Variants in STK24 observed in about 807,000 individuals in gnomAD.
STK24 encodes the protein serine/threonine-protein kinase 24.
A neutral mutation model predicts 55.6 loss-of-function variants in STK24; 21 were observed. The ratio of observed to expected loss-of-function variants is 0.38; its 90% CI spans 0.27 to 0.54. The LOEUF is 0.54. STK24 is among the 20% of genes least tolerant of loss of function. STK24 has a pLI of 0.79. For missense variants in STK24, 383 were observed against 538.4 expected, an observed-to-expected ratio of 0.71 and a Z score of 2.86; for synonymous variants, 200 against 215.2, an observed-to-expected ratio of 0.93 and a Z score of 0.62.
At chr13:98,481,858 G>C (rs1894594494) in intron 3 of STK24, among the ~76,000 whole-genome samples, 1 of 152,040 alleles carries the variant, frequency 6.6e-6, no homozygotes, top group African/African-American at 2.4e-5. Context: ...GACCAGCTTG[G>C]CCAACATGGC....
intron 2 of STK24, among the ~76,000 whole-genome samples, chr13:98,507,723 G>A (rs1479619970): frequency 2.0e-5 from 3 of 152,176 alleles, no homozygotes; most frequent in African/African-American, 7.2e-5. Flanking sequence ...TTCATTCCCA[G>A]CCAGGACGGG....
At chr13:98,481,153 G>C (rs779883909) in intron 3 of STK24, among the ~76,000 whole-genome samples, 2 of 152,190 alleles carry the variant, frequency 1.3e-5, no homozygotes, top group Admixed American at 1.3e-4. Flanking sequence ...CAGCCACAGC[G>C]GGGATGAGAC....
intron 1 of STK24, among the ~76,000 whole-genome samples, chr13:98,548,861 C>CAAAAAAAAAAAAAAA (rs55793722): frequency 3.2e-4 from 12 of 37,800 alleles, no homozygotes; most frequent in African/African-American, 9.8e-4. Context: ...GACTCTGTCT[C>CAAAAAAAAAAAAAAA]AAAAAAAAAA....
At chr13:98,576,068 G>A in intron 1 of STK24, 1 of 984,910 alleles carries the variant, frequency 1.0e-6, no homozygotes, top group Non-Finnish European at 1.2e-6. Context: ...CAGGGTCCCG[G>A]GGCCGGGCCC....
chr13:98,540,212 G>C (rs1896850320), intron 1 of STK24, among the ~76,000 whole-genome samples: 1 of 152,210 alleles, frequency 6.6e-6, no homozygotes, highest in Non-Finnish European at 1.5e-5. Flanking sequence ...GCTAGGGTGG[G>C]AACAGAGATC....
At chr13:98,518,344 A>G (rs1271057372) in intron 2 of STK24, among the ~76,000 whole-genome samples, 1 of 152,192 alleles carries the variant, frequency 6.6e-6, no homozygotes, top group Non-Finnish European at 1.5e-5. Context: ...GAGACTTTAG[A>G]GGGTAAGGCC....
chr13:98,466,558 C>T lies in STK24; in HGVS notation c.601G>A (p.Asp201Asn). The T allele has an allele frequency of 6.2e-7, 1 of 1,613,180 alleles. No homozygotes were observed. The highest frequency in any genetic ancestry group is 8.5e-7 in the Non-Finnish European group (1 of 1,179,582). Residue 201 changes from aspartate (D) to asparagine (N), a missense_variant, in exon 6 of 11, where the codon GAC becomes AAC. Physicochemically the swap from Asp to Asn is conservative, Grantham distance 23 (BLOSUM62 1). Coordinates refer to ENST00000539966, the MANE Select transcript of STK24 (RefSeq NM_001032296.4). ...IKQSAYDSKA[D>N]IWSLGITAIE... ...GCTGTTATGCCCAGGGACCAGATGTCTGCCTGCAACAAGAAAAGCATCTTT... is the reference window on the plus strand; with the variant it reads ...GCTGTTATGCCCAGGGACCAGATGTTTGCCTGCAACAAGAAAAGCATCTTT...
intron 2 of STK24, among the ~76,000 whole-genome samples, chr13:98,502,727 T>G (rs537550556): frequency 1.1e-3 from 174 of 152,352 alleles, no homozygotes; most frequent in African/African-American, 4.0e-3. Context: ...TACCATGTTC[T>G]TGGCCTTTTC....
At chr13:98,569,537 C>T (rs1174230309) in intron 1 of STK24, among the ~76,000 whole-genome samples, 1 of 152,000 alleles carries the variant, frequency 6.6e-6, no homozygotes, top group South Asian at 2.1e-4. Context: ...ATAGAAGATA[C>T]GCAGGTGACG....
At chr13:98,542,928 G>A in intron 1 of STK24, 1 of 985,398 alleles carries the variant, frequency 1.0e-6, no homozygotes, top group Non-Finnish European at 1.2e-6. Flanking sequence ...AGGAACGGGT[G>A]TATTTGTGGA....
chr13:98,539,601 A>G (rs1161004334), intron 1 of STK24, among the ~76,000 whole-genome samples: 1 of 152,162 alleles, frequency 6.6e-6, no homozygotes, highest in South Asian at 2.1e-4. Flanking sequence ...CATTACCAGC[A>G]CAGTAATGAC....
chr13:98,475,080 C>T (rs1894313345), intron 4 of STK24, 102 bp from the exon 5 acceptor site: 3 of 1,471,156 alleles, frequency 2.0e-6, no homozygotes, highest in East Asian at 4.8e-5. Flanking sequence ...ACCCACCGAG[C>T]ACAGGCACCG....
intron 2 of STK24, among the ~76,000 whole-genome samples, chr13:98,514,067 A>G (rs73556238): frequency 1.3e-5 from 2 of 152,366 alleles, no homozygotes; most frequent in African/African-American, 4.8e-5. Context: ...TGCAATGTGA[A>G]GTTATCATAC....
chr13:98,478,603 C>A (rs1375426547), intron 3 of STK24, among the ~76,000 whole-genome samples: 4 of 152,224 alleles, frequency 2.6e-5, no homozygotes, highest in Admixed American at 1.3e-4. Flanking sequence ...AAATTTCTAT[C>A]TTTTGTGAGA....
intron 2 of STK24, among the ~76,000 whole-genome samples, chr13:98,504,701 C>G (rs1895622724): frequency 6.6e-6 from 1 of 152,196 alleles, no homozygotes; most frequent in Non-Finnish European, 1.5e-5. Context: ...CAGGAGGAAG[C>G]TGCTAGAGCT....
chr13:98,456,518 T>C (rs1218639066), intron 10 of STK24: 2 of 516,750 alleles, frequency 3.9e-6, no homozygotes, highest in Non-Finnish European at 7.9e-6. Context: ...CCTGCACTTG[T>C]GCCAGATGGC....
chr13:98,445,908 AG>A lies in STK24; in HGVS notation c.*7264del, dbSNP rs1892804385. On this transcript the variant is annotated 3_prime_UTR_variant, in exon 11 of 11. Coordinates refer to ENST00000539966, the MANE Select transcript of STK24 (RefSeq NM_001032296.4). ...CCAAGATGCCCCACAGCAAGTGACAAGGGGAAGTGATGAGATCAGGGTCCCA... is the reference window on the plus strand; with the variant it reads ...CCAAGATGCCCCACAGCAAGTGACAAGGGAAGTGATGAGATCAGGGTCCCA... 1.8e-6 allele frequency: 1 copy of A among 540,580 alleles called. No individual in the cohort carries two copies. The highest frequency in any genetic ancestry group is 3.4e-5 in the Admixed American group (1 of 29,196). 33.5% of individuals were successfully genotyped at this position (540,580 alleles called of 1,614,324 possible).
rs1892809702 is a variant in STK24 at position 98,446,003 on chromosome 13, C to T, written c.*7170G>A. The T allele has an allele frequency of 1.2e-6, 1 of 822,710 alleles. No individual in the cohort carries two copies. The highest frequency in any genetic ancestry group is 2.0e-6 in the Non-Finnish European group (1 of 495,886). 51.0% of individuals were successfully genotyped at this position (822,710 alleles called of 1,614,324 possible). On this transcript the variant is annotated 3_prime_UTR_variant, in exon 11 of 11. Coordinates refer to ENST00000539966, the MANE Select transcript of STK24 (RefSeq NM_001032296.4). ...CCCACATCCTTCAGTCACGGACATG[C>T]CCCAGCCCAGGGCCCTGGTGCAGGG...
intron 1 of STK24, among the ~76,000 whole-genome samples, chr13:98,565,410 T>C (rs942630507): frequency 1.3e-5 from 2 of 152,092 alleles, no homozygotes; most frequent in African/African-American, 2.4e-5. Context: ...AGAGGATCAC[T>C]TGAGGTCAGG....
Sources: allele counts gnomAD v4.1 joint callset (sites outside exome capture counted in the v4.1 genomes callset), GRCh38; gene constraint gnomAD v4.1.1; transcripts MANE v1.5; gene names NCBI Gene and HGNC (gene_info 2026-07-23, HGNC 2026-07-21).